NUMB: variants seen among roughly 807,000 people sequenced by gnomAD.
NUMB encodes the protein protein numb homolog.
A neutral mutation model predicts 59.7 loss-of-function variants in NUMB; 29 were observed. The ratio of observed to expected loss-of-function variants is 0.49; its 90% CI spans 0.36 to 0.66. The LOEUF is 0.66. Ranked by LOEUF, NUMB falls within the 30% of genes least tolerant of loss-of-function variation. The probability of loss-of-function intolerance (pLI) is 0.00; values close to 1 mark genes in which losing one functional copy is unlikely to be tolerated. For synonymous variants in NUMB, 288 were observed against 288.2 expected, an observed-to-expected ratio of 1.00 and a Z score of 0.01; for missense variants, 723 against 822.0, an observed-to-expected ratio of 0.88 and a Z score of 1.47.
In NUMB at chr14:73,276,605, T is replaced by C; in HGVS notation, c.1929A>G (p.Leu643=). Residue 643 remains leucine (L), a synonymous_variant, in exon 13 of 13, where the codon TTA becomes TTG. Transcript: ENST00000555238. ...AAAGTTCAATTTCAAACGTCTTCTG[T>C]AAGTCACTGGAGAAAGGGTTGGTAG... ...PSPTNPFSSD[L]QKTFEIEL 6.2e-7 allele frequency: 1 copy of C among 1,613,508 alleles called. No homozygotes were observed. Among genetic ancestry groups the C allele is most frequent in the Non-Finnish European group, 8.5e-7 (1 of 1,179,522 alleles).
At chr14:73,440,546 C>T (rs1882977636) in intron 1 of NUMB, among the ~76,000 whole-genome samples, 2 of 151,378 alleles carry the variant, frequency 1.3e-5, no homozygotes, top group South Asian at 4.2e-4. Flanking sequence ...AAAGCACAAG[C>T]AACAAAAAAA....
chr14:73,444,182 G>A (rs920039054), intron 1 of NUMB, among the ~76,000 whole-genome samples: 3 of 152,164 alleles, frequency 2.0e-5, no homozygotes, highest in Non-Finnish European at 2.9e-5. Context: ...GGTGGATCAC[G>A]ACATCAGGAG....
intron 1 of NUMB, among the ~76,000 whole-genome samples, chr14:73,431,743 C>T (rs546070143): frequency 5.9e-5 from 9 of 151,540 alleles, no homozygotes; most frequent in African/African-American, 1.7e-4. Flanking sequence ...AGCAAGACTC[C>T]GTCTCAAAAA....
chr14:73,280,686 A>ATTTTTTTTTT (rs397852698), intron 11 of NUMB, among the ~76,000 whole-genome samples: 1 of 87,722 alleles, frequency 1.1e-5, no homozygotes, highest in Non-Finnish European at 2.1e-5. Flanking sequence ...TGTTGGTACT[A>ATTTTTTTTTT]TTTTTTTTTT....
chr14:73,379,692 A>T (rs1895136889), intron 2 of NUMB, among the ~76,000 whole-genome samples: 1 of 152,160 alleles, frequency 6.6e-6, no homozygotes, highest in Non-Finnish European at 1.5e-5. Context: ...GGAAGAGAGC[A>T]CTCCAGGTGG....
intron 3 of NUMB, chr14:73,357,113 A>G (rs1157142236): frequency 3.2e-6 from 2 of 622,244 alleles, no homozygotes; most frequent in Admixed American, 1.3e-4. Context: ...CTGTAACTAA[A>G]AAGTGTTGGC....
chr14:73,298,315 C>T (rs1174781258), intron 6 of NUMB: 1 of 152,198 alleles, frequency 6.6e-6, no homozygotes, highest in Non-Finnish European at 1.5e-5. Context: ...TTGTCCCAGC[C>T]CCACGTGTAG....
At chr14:73,449,683 T>C (rs1883789968) in intron 1 of NUMB, among the ~76,000 whole-genome samples, 2 of 121,498 alleles carry the variant, frequency 1.6e-5, no homozygotes, top group Non-Finnish European at 3.3e-5. Context: ...ATGTTTAAAA[T>C]ATATGTAATG....
intron 4 of NUMB, among the ~76,000 whole-genome samples, chr14:73,352,475 CACATATATATATATATATATATAT>C (rs1566756084): frequency 0.021 from 294 of 13,730 alleles, 40 homozygotes; most frequent in African/African-American, 0.05. Flanking sequence ...CACACACACA[CACATATATATATATATATATATAT>C]ATATATATAT....
chr14:73,297,765 T>C (rs569842817), intron 6 of NUMB: 3 of 153,080 alleles, frequency 2.0e-5, no homozygotes, highest in South Asian at 2.1e-4. Flanking sequence ...CAGTATGTTA[T>C]AGCAGGACCC....
At chr14:73,441,505 C>T (rs1343889042) in intron 1 of NUMB, among the ~76,000 whole-genome samples, 1 of 152,054 alleles carries the variant, frequency 6.6e-6, no homozygotes, top group African/African-American at 2.4e-5. Flanking sequence ...CCACACACTC[C>T]AGCCTGGGCA....
chr14:73,400,671 A>G (rs1322686330), intron 2 of NUMB, among the ~76,000 whole-genome samples: 1 of 152,204 alleles, frequency 6.6e-6, no homozygotes. Context: ...CAGAGAGGGA[A>G]GAGGAGCTGA....
chr14:73,359,054 ATTG>A (rs1207382020), intron 3 of NUMB, among the ~76,000 whole-genome samples: 1 of 152,222 alleles, frequency 6.6e-6, no homozygotes, highest in African/African-American at 2.4e-5. Context: ...GCAGCTATTT[ATTG>A]TTGTACCATT....
chr14:73,349,828 A>C (rs1893119730), intron 4 of NUMB, among the ~76,000 whole-genome samples: 2 of 151,352 alleles, frequency 1.3e-5, no homozygotes, highest in South Asian at 4.2e-4. Context: ...GCAGTGAGCC[A>C]AGATCGCGCC....
intron 6 of NUMB, among the ~76,000 whole-genome samples, chr14:73,314,453 A>G (rs1400473970): frequency 6.6e-6 from 1 of 151,992 alleles, no homozygotes; most frequent in African/African-American, 2.4e-5. Context: ...GCAAAAAAAA[A>G]TGCAGTGAAA....
intron 1 of NUMB, among the ~76,000 whole-genome samples, chr14:73,423,982 A>AG (rs1897470477): frequency 6.6e-6 from 1 of 151,304 alleles, no homozygotes; most frequent in Non-Finnish European, 1.5e-5. Context: ...AAAAAAAAAA[A>AG]AAAAAAGACT....
chr14:73,393,161 A>T (rs549297579), intron 2 of NUMB, among the ~76,000 whole-genome samples: 4 of 152,340 alleles, frequency 2.6e-5, no homozygotes, highest in Admixed American at 1.3e-4. Context: ...TGCACATTAT[A>T]TATCACATTG....
At chr14:73,413,955 T>C (rs1897010513) in intron 1 of NUMB, among the ~76,000 whole-genome samples, 1 of 151,470 alleles carries the variant, frequency 6.6e-6, no homozygotes, top group African/African-American at 2.4e-5. Context: ...AAATGTTTTT[T>C]CTTTTTTTTT....
chr14:73,387,731 T>TCAAAAAAAAA (rs1895619173), intron 2 of NUMB, among the ~76,000 whole-genome samples: 1 of 108,276 alleles, frequency 9.2e-6, no homozygotes, highest in African/African-American at 4.2e-5. Context: ...ATACCCAATC[T>TCAAAAAAAAA]CAAAAAAAAA....
Sources: allele counts gnomAD v4.1 joint callset (sites outside exome capture counted in the v4.1 genomes callset), GRCh38; gene constraint gnomAD v4.1.1; transcripts MANE v1.5; gene names NCBI Gene and HGNC (gene_info 2026-07-23, HGNC 2026-07-21).